Variants in MGMT observed in about 807,000 individuals in gnomAD.
The protein encoded by MGMT is O-6-methylguanine-DNA methyltransferase.
In MGMT, 14 loss-of-function variants were observed where a neutral mutation model predicts 15.9. The observed-to-expected ratio is 0.88, with a 90% CI of 0.58 to 1.37. The LOEUF (loss-of-function observed/expected upper bound fraction) is 1.37. MGMT is among the 40% of genes most tolerant of loss of function. The probability of loss-of-function intolerance (pLI) is 0.00; values close to 1 mark genes in which losing one functional copy is unlikely to be tolerated. For missense variants in MGMT, 282 were observed against 268.1 expected, an observed-to-expected ratio of 1.05 and a Z score of -0.36; for synonymous variants, 130 against 118.2, an observed-to-expected ratio of 1.10 and a Z score of -0.65.
chr10:129,502,448 G>A (rs1845583922), intron 1 of MGMT, among the ~76,000 whole-genome samples: 1 of 151,784 alleles, frequency 6.6e-6, no homozygotes, highest in Non-Finnish European at 1.5e-5. Flanking sequence ...CCTACAAAAA[G>A]GTACAGAAGC....
At chr10:129,486,242 C>T (rs895617288) in intron 1 of MGMT, among the ~76,000 whole-genome samples, 8 of 143,720 alleles carry the variant, frequency 5.6e-5, no homozygotes, top group African/African-American at 1.8e-4. Context: ...GGCTGGAGTG[C>T]GATGGCATGA....
Position 129,467,267 on chromosome 10 carries a change from G to T in MGMT, c.-42G>T, listed in dbSNP as rs753401556. ...ACGCTTTGCGTCCCGACGCCCGCAG[G>T]TCCTCGCGGTGCGCACCGTTTGCGA... On this transcript the variant is annotated 5_prime_UTR_variant, in exon 1 of 5. Transcript: ENST00000651593. 1.2e-5 allele frequency: 19 copies of T among 1,544,874 alleles called. No homozygotes were observed. The Admixed American group carries it at 3.0e-4, about 24-fold the overall frequency.
chr10:129,496,084 C>T (rs755520352), intron 1 of MGMT, among the ~76,000 whole-genome samples: 1 of 152,170 alleles, frequency 6.6e-6, no homozygotes. Flanking sequence ...TTACTATTTG[C>T]CATTTAGAGT....
At chr10:129,563,729 A>T (rs1363475533) in intron 2 of MGMT, 1 of 152,132 alleles carries the variant, frequency 6.6e-6, no homozygotes, top group Non-Finnish European at 1.5e-5. Flanking sequence ...ACAATTAAAT[A>T]TACTTAACCT....
intron 2 of MGMT, among the ~76,000 whole-genome samples, chr10:129,602,680 C>T (rs1280629834): frequency 6.6e-6 from 1 of 152,088 alleles, no homozygotes; most frequent in Non-Finnish European, 1.5e-5. Flanking sequence ...TGAGTGCGCC[C>T]CACGTGCCTG....
At position 129,541,105 on chromosome 10, in the gene MGMT, A is replaced by G. The variant is rs56321525; in HGVS notation, c.125+4728A>G. Among the ~76,000 whole-genome samples the G allele has an allele frequency of 7.7e-3, 1,170 of 152,318 alleles. 20 individuals carry two copies. The highest frequency in any genetic ancestry group is 0.027 in the African/African-American group (1,130 of 41,590). On this transcript the variant is annotated intron_variant, in intron 2 of 4. Transcript: ENST00000651593. ...ACTGGGCCTTCTTCAGTGACATTGC[A>G]TCTGTGCTTGTGTACAAAGTGTGAT... is the stretch of plus-strand genomic sequence containing the variant.
At chr10:129,696,737 A>G (rs1209324880) in intron 2 of MGMT, among the ~76,000 whole-genome samples, 2 of 152,222 alleles carry the variant, frequency 1.3e-5, no homozygotes, top group Non-Finnish European at 2.9e-5. Context: ...CTGGAGGCAG[A>G]GTTGGGACCA....
chr10:129,668,790 A>G lies in MGMT; in HGVS notation c.126-39105A>G, dbSNP rs568701740. 1.8e-3 allele frequency among the ~76,000 whole-genome samples: 271 copies of G among 152,318 alleles called. 2 individuals are homozygous for G. The highest frequency in any genetic ancestry group is 6.2e-3 in the African/African-American group (257 of 41,578). On this transcript the variant is annotated intron_variant, in intron 2 of 4. Coordinates refer to ENST00000651593, the MANE Select transcript of MGMT (RefSeq NM_002412.5). The stretch of plus-strand genomic sequence containing the variant: ...TCAGTTTCAGAGTAATTTTTAAAAG[A>G]ACTTTTTCTTTTTGAAATGTAGAGA...
At chr10:129,610,532 A>G (rs148995345) in intron 2 of MGMT, among the ~76,000 whole-genome samples, 2 of 152,180 alleles carry the variant, frequency 1.3e-5, no homozygotes, top group South Asian at 2.1e-4. Context: ...GCGATTCCTC[A>G]TGCCCCTCAT....
At chr10:129,539,148 G>A (rs1246907338) in intron 2 of MGMT, among the ~76,000 whole-genome samples, 1 of 151,702 alleles carries the variant, frequency 6.6e-6, no homozygotes, top group Non-Finnish European at 1.5e-5. Flanking sequence ...TTCCCTTTAT[G>A]TTTAACACTT....
intron 1 of MGMT, among the ~76,000 whole-genome samples, chr10:129,508,271 C>T (rs1231528608): frequency 2.0e-5 from 3 of 152,162 alleles, no homozygotes; most frequent in Non-Finnish European, 4.4e-5. Context: ...ATAGCTTTCA[C>T]ATACCTGGTG....
intron 2 of MGMT, among the ~76,000 whole-genome samples, chr10:129,586,872 A>G (rs919368187): frequency 3.9e-5 from 6 of 152,314 alleles, no homozygotes; most frequent in Middle Eastern, 3.4e-3. Context: ...TCTTGCATAT[A>G]GTCTCTGATT....
intron 2 of MGMT, among the ~76,000 whole-genome samples, chr10:129,590,456 G>A (rs1356081357): frequency 2.0e-5 from 3 of 152,136 alleles, no homozygotes; most frequent in Non-Finnish European, 4.4e-5. Context: ...GATACAATGT[G>A]AGCGAATTTC....
chr10:129,584,899 G>A (rs777794276), intron 2 of MGMT, among the ~76,000 whole-genome samples: 10 of 152,056 alleles, frequency 6.6e-5, no homozygotes, highest in African/African-American at 1.4e-4. Context: ...AGTCAGTTTC[G>A]CCTTTTGGTG....
At chr10:129,574,576 T>C (rs1237710700) in intron 2 of MGMT, among the ~76,000 whole-genome samples, 1 of 152,220 alleles carries the variant, frequency 6.6e-6, no homozygotes. Context: ...TTCTCAGTAA[T>C]AGTTCTTTGT....
At chr10:129,509,780 C>G (rs1845662168) in intron 1 of MGMT, among the ~76,000 whole-genome samples, 1 of 152,168 alleles carries the variant, frequency 6.6e-6, no homozygotes, top group South Asian at 2.1e-4. Context: ...TGTTTTTAAT[C>G]AAACCTAACT....
intron 2 of MGMT, among the ~76,000 whole-genome samples, chr10:129,686,270 AAAAG>A (rs1197087826): frequency 2.0e-5 from 3 of 152,202 alleles, no homozygotes; most frequent in African/African-American, 4.8e-5. Flanking sequence ...AAAGAAAAAA[AAAAG>A]AGATCCCTAA....
At chr10:129,727,170 T>G (rs763278429) in intron 3 of MGMT, among the ~76,000 whole-genome samples, 2 of 152,176 alleles carry the variant, frequency 1.3e-5, no homozygotes, top group Non-Finnish European at 2.9e-5. Context: ...CCTTCTCGGA[T>G]GGAGTCAGGT....
chr10:129,679,874 A>G (rs552848414), intron 2 of MGMT, among the ~76,000 whole-genome samples: 40 of 152,352 alleles, frequency 2.6e-4, no homozygotes, highest in African/African-American at 9.1e-4. Context: ...GAGAACTCCT[A>G]TGTACTTCAT....
Sources: allele counts gnomAD v4.1 joint callset (sites outside exome capture counted in the v4.1 genomes callset), GRCh38; gene constraint gnomAD v4.1.1; transcripts MANE v1.5; gene names NCBI Gene and HGNC (gene_info 2026-07-23, HGNC 2026-07-21).